Variants in ZNF487 observed in about 807,000 individuals in gnomAD.
The protein encoded by ZNF487 is zinc finger protein 487, also known as KRAB domain only 1.
ZNF487 carries 4 observed loss-of-function variants against 3.0 expected under a neutral mutation model. The ratio of observed to expected loss-of-function variants is 1.35; its 90% CI spans 0.66 to 3.08. The LOEUF (loss-of-function observed/expected upper bound fraction) is 3.08, where lower values mean the gene tolerates loss of function less well. Among genes scored for constraint, ZNF487 ranks in the 30% most tolerant of loss-of-function variants. The pLI, the probability that ZNF487 is intolerant of heterozygous loss-of-function variation, is 0.01. For missense variants in ZNF487, 146 were observed against 98.7 expected, an observed-to-expected ratio of 1.48 and a Z score of -2.03; for synonymous variants, 55 against 34.6, an observed-to-expected ratio of 1.59 and a Z score of -2.06.
At chr10:43,477,376 G>A (rs1283799494) in intron 3 of ZNF487, among the ~76,000 whole-genome samples, 1 of 151,742 alleles carries the variant, frequency 6.6e-6, no homozygotes, top group Admixed American at 6.6e-5. Context: ...TGTATTTTTA[G>A]TAGAGATGGG....
At chr10:43,465,983 G>A (rs1169580567) in intron 1 of ZNF487, among the ~76,000 whole-genome samples, 1 of 152,218 alleles carries the variant, frequency 6.6e-6, no homozygotes, top group African/African-American at 2.4e-5. Context: ...GTTAGGAGCT[G>A]GAGACCAGCC....
downstream of ZNF487, among the ~76,000 whole-genome samples, chr10:43,487,398 C>T (rs1824506083): frequency 6.6e-6 from 1 of 151,682 alleles, no homozygotes; most frequent in South Asian, 2.1e-4. Flanking sequence ...CTCCGCCTCC[C>T]AAAGTGCTGG....
chr10:43,489,359 T>A, the ZNF487 span, among the ~76,000 whole-genome samples: 10 of 152,256 alleles, frequency 6.6e-5, 1 homozygote, highest in African/African-American at 2.4e-4. Flanking sequence ...TTATTTATTT[T>A]TATTTATTTT....
chr10:43,512,071 T>C, the ZNF487 span, among the ~76,000 whole-genome samples: 2 of 152,218 alleles, frequency 1.3e-5, no homozygotes, highest in African/African-American at 4.8e-5. Context: ...TTCTGCCCAC[T>C]GGGAAGATTT....
At chr10:43,503,360 CAA>C in the ZNF487 span, among the ~76,000 whole-genome samples, 1 of 152,038 alleles carries the variant, frequency 6.6e-6, no homozygotes, top group East Asian at 1.9e-4. Context: ...ACAATGATTA[CAA>C]AAGAGTCAAA....
intron 1 of ZNF487, among the ~76,000 whole-genome samples, chr10:43,465,742 G>C (rs994740335): frequency 1.3e-5 from 2 of 151,638 alleles, no homozygotes; most frequent in Non-Finnish European, 2.9e-5. Context: ...CATCCCAGAC[G>C]ATGGGCGGCC....
chr10:43,492,075 A>T, the ZNF487 span, among the ~76,000 whole-genome samples: 4 of 151,734 alleles, frequency 2.6e-5, no homozygotes, highest in African/African-American at 9.8e-5. Context: ...CTGGGACCAC[A>T]CAGCCACCAC....
chr10:43,477,131 G>T (rs909185150), intron 3 of ZNF487, among the ~76,000 whole-genome samples: 5 of 151,402 alleles, frequency 3.3e-5, no homozygotes, highest in Non-Finnish European at 5.9e-5. Flanking sequence ...GACCCAACAT[G>T]TGAATCAGTT....
chr10:43,461,370 G>A (rs1469580357), intron 1 of ZNF487, among the ~76,000 whole-genome samples: 2 of 151,748 alleles, frequency 1.3e-5, no homozygotes, highest in African/African-American at 2.4e-5. Context: ...AGGCTGGAGC[G>A]CAGTGGTGTG....
chr10:43,476,985 G>C (rs1281822535), intron 3 of ZNF487, among the ~76,000 whole-genome samples: 1 of 152,172 alleles, frequency 6.6e-6, no homozygotes, highest in East Asian at 1.9e-4. Flanking sequence ...CCATTAACTG[G>C]ATGGGAGAAA....
the ZNF487 span, among the ~76,000 whole-genome samples, chr10:43,498,365 G>A: frequency 6.8e-6 from 1 of 146,006 alleles, no homozygotes; most frequent in Admixed American, 7.0e-5. Context: ...TGCAACTTCC[G>A]CCTCCCGGGT....
At chr10:43,511,513 G>A in the ZNF487 span, among the ~76,000 whole-genome samples, 1 of 152,160 alleles carries the variant, frequency 6.6e-6, no homozygotes, top group African/African-American at 2.4e-5. Flanking sequence ...CATGATGGAA[G>A]AGGTCCAATA....
intron 1 of ZNF487, among the ~76,000 whole-genome samples, chr10:43,474,732 A>G (rs1841031158): frequency 6.6e-6 from 1 of 151,690 alleles, no homozygotes; most frequent in Non-Finnish European, 1.5e-5. Flanking sequence ...ACAGGTGCGC[A>G]CCACCAAGCT....
chr10:43,510,142 T>C, the ZNF487 span, among the ~76,000 whole-genome samples: 2 of 152,204 alleles, frequency 1.3e-5, no homozygotes, highest in African/African-American at 4.8e-5. Flanking sequence ...AGTATATATA[T>C]GCACAAACAT....
upstream of ZNF487, chr10:43,437,007 C>G (rs572684423): frequency 2.6e-6 from 1 of 390,744 alleles, no homozygotes; most frequent in Non-Finnish European, 5.4e-6. Context: ...GGGCCGAGCC[C>G]CCGCTAGGCA....
At chr10:43,439,969 GT>G (rs1839534095) in intron 1 of ZNF487, among the ~76,000 whole-genome samples, 1 of 151,510 alleles carries the variant, frequency 6.6e-6, no homozygotes, top group African/African-American at 2.4e-5. Context: ...CTAGAGATCT[GT>G]TTCACAACAA....
At chr10:43,448,306 G>A (rs1297404767) in intron 1 of ZNF487, among the ~76,000 whole-genome samples, 1 of 151,548 alleles carries the variant, frequency 6.6e-6, no homozygotes, top group African/African-American at 2.4e-5. Context: ...AACCATTTTT[G>A]TCCTTACGTT....
chr10:43,486,018 G>A (rs552710703), downstream of ZNF487, among the ~76,000 whole-genome samples: 6 of 152,306 alleles, frequency 3.9e-5, no homozygotes, highest in East Asian at 1.2e-3. Context: ...AAGAGGTAAA[G>A]GAACTGAGAA....
chr10:43,511,891 C>T, the ZNF487 span, among the ~76,000 whole-genome samples: 1 of 152,160 alleles, frequency 6.6e-6, no homozygotes, highest in African/African-American at 2.4e-5. Context: ...GAGAGAGATC[C>T]ATCCACACAC....
Sources: gnomAD v4.1 joint callset for allele counts (sites outside exome capture counted in the v4.1 genomes callset) on GRCh38, gnomAD v4.1.1 for gene constraint, MANE v1.5 for transcripts, NCBI Gene and HGNC (gene_info 2026-07-23, HGNC 2026-07-21) for gene names.